RAMP1: variants seen among roughly 807,000 people sequenced by gnomAD.
The protein encoded by RAMP1 is receptor activity-modifying protein 1.
Under a neutral mutation model 8.2 loss-of-function variants are expected in RAMP1, and 7 were observed. The observed-to-expected ratio is 0.85, with a 90% confidence interval of 0.49 to 1.60. RAMP1 has a LOEUF of 1.60. Among genes scored for constraint, RAMP1 ranks in the 40% most tolerant of loss-of-function variants. The pLI is 0.00. For missense variants in RAMP1, 192 were observed against 202.4 expected, an observed-to-expected ratio of 0.95 and a Z score of 0.31; for synonymous variants, 92 against 84.7, an observed-to-expected ratio of 1.09 and a Z score of -0.47.
intron 2 of RAMP1, among the ~76,000 whole-genome samples, chr2:237,903,948 A>T (rs2062630603): frequency 6.6e-6 from 1 of 152,114 alleles, no homozygotes; most frequent in South Asian, 2.1e-4. Flanking sequence ...TATGTTTCCC[A>T]GGCTGCTCTC....
At chr2:237,864,165 C>T (rs2062160610) in intron 1 of RAMP1, among the ~76,000 whole-genome samples, 1 of 150,980 alleles carries the variant, frequency 6.6e-6, no homozygotes, top group Non-Finnish European at 1.5e-5. Context: ...TGGCCTGGGC[C>T]AGCTCACTCC....
rs938785027 is a variant in RAMP1, at chr2:237,902,337, T to A, written c.192-9191T>A. On this transcript the variant is annotated intron_variant, in intron 2 of 2. Coordinates refer to ENST00000254661, the MANE Select transcript of RAMP1 (RefSeq NM_005855.4). ...GGAGGAGGAGGGAGGGATCAGGGGG[T>A]GGAGGAGGGGCTGGGAGGAGGAGGG... Among the ~76,000 whole-genome samples the A allele has an allele frequency of 9.6e-3, 158 of 16,528 alleles. 1 individual carries two copies. The highest frequency in any genetic ancestry group is 0.023 in the South Asian group (9 of 386). 10.8% of individuals were successfully genotyped at this position (16,528 alleles called of 152,430 possible). A position where few individuals can be genotyped will look rare whatever the true frequency, so the allele number is the denominator to read the frequency against.
At chr2:237,904,688 T>C (rs910624207) in intron 2 of RAMP1, among the ~76,000 whole-genome samples, 3 of 152,210 alleles carry the variant, frequency 2.0e-5, no homozygotes, top group African/African-American at 7.2e-5. Flanking sequence ...TAGACACACA[T>C]TGCCTGGTCA....
rs2062173189 is a variant in RAMP1, at chr2:237,865,084, C to T, written c.52+5357C>T. ...TTAAAGGAGCCCTCAGCTGTGGCCC[C>T]CAGCATGGGCAGGAGGCCAGGCAAG... On this transcript the variant is annotated intron_variant, in intron 1 of 2. Coordinates refer to ENST00000254661, the MANE Select transcript of RAMP1 (RefSeq NM_005855.4). This position sits in a 1 kb window ranked among gnomAD's most constrained non-coding sequence, Gnocchi z 4.2. Among the ~76,000 whole-genome samples the T allele has an allele frequency of 6.6e-6, 1 of 152,170 alleles. No individual in the cohort carries two copies. The highest frequency in any genetic ancestry group is 1.5e-5 in the Non-Finnish European group (1 of 67,994).
Position 237,865,814 on chromosome 2 carries a change from C to T in RAMP1, c.52+6087C>T, listed in dbSNP as rs375044218. ...CAGGGAGGACAGAGAAGGAAACGGG[C>T]CCCAGGCACCACTGGGCACCTTGAC... is the stretch of plus-strand genomic sequence containing the variant. On this transcript the variant is annotated intron_variant, in intron 1 of 2. Coordinates refer to ENST00000254661, the MANE Select transcript of RAMP1 (RefSeq NM_005855.4). The surrounding 1 kb of genome is among the most constrained non-coding windows in gnomAD (Gnocchi z 4.2). Among the ~76,000 whole-genome samples the T allele has an allele frequency of 6.6e-6, 1 of 152,080 alleles. No homozygotes were observed. The highest frequency in any genetic ancestry group is 6.5e-5 in the Admixed American group (1 of 15,272).
chr2:237,868,577 C>CAAAAA (rs1252542718), intron 1 of RAMP1, among the ~76,000 whole-genome samples: 1 of 89,444 alleles, frequency 1.1e-5, no homozygotes. Context: ...CTCCCCCCAC[C>CAAAAA]AAAAAAAAAA....
At chr2:237,872,790 G>A (rs1337166996) in intron 1 of RAMP1, among the ~76,000 whole-genome samples, 3 of 143,938 alleles carry the variant, frequency 2.1e-5, no homozygotes, top group African/African-American at 4.9e-5. Context: ...ACTGTGGGAC[G>A]CTGAGGTGGG....
intron 2 of RAMP1, among the ~76,000 whole-genome samples, chr2:237,884,241 G>A (rs1311708286): frequency 6.6e-6 from 1 of 152,180 alleles, no homozygotes; most frequent in African/African-American, 2.4e-5. Context: ...CCTGCAAGCT[G>A]GCTGGGCCGT....
At chr2:237,887,546 C>T (rs1470901932) in intron 2 of RAMP1, among the ~76,000 whole-genome samples, 6 of 152,248 alleles carry the variant, frequency 3.9e-5, no homozygotes, top group Admixed American at 2.6e-4. Flanking sequence ...CCCTCACTGC[C>T]CAGGCAGTGG....
At chr2:237,901,860 T>TACTC (rs10529558) in intron 2 of RAMP1, among the ~76,000 whole-genome samples, 130,533 of 151,670 alleles carry the variant, frequency 0.86, 56,396 homozygotes, top group East Asian at 0.96. Flanking sequence ...AGCCCCCACA[T>TACTC]ACTCACTACA....
At chr2:237,861,795 G>A (rs1012473884) in intron 1 of RAMP1, among the ~76,000 whole-genome samples, 1 of 151,290 alleles carries the variant, frequency 6.6e-6, no homozygotes, top group Non-Finnish European at 1.5e-5. Flanking sequence ...AGGTTGCAGT[G>A]AGCTGAGATC....
intron 1 of RAMP1, among the ~76,000 whole-genome samples, chr2:237,875,564 G>T (rs1168192260): frequency 6.6e-6 from 1 of 152,138 alleles, no homozygotes; most frequent in Non-Finnish European, 1.5e-5. Context: ...GCTCCTCCGT[G>T]GGGCTTTTTC....
At chr2:237,895,406 C>G (rs1020015792) in intron 2 of RAMP1, among the ~76,000 whole-genome samples, 1 of 152,128 alleles carries the variant, frequency 6.6e-6, no homozygotes, top group Non-Finnish European at 1.5e-5. Context: ...ACCGAGGCTC[C>G]GTAACTGCCA....
intron 1 of RAMP1, among the ~76,000 whole-genome samples, chr2:237,867,679 G>A (rs914581474): frequency 1.1e-4 from 17 of 152,202 alleles, no homozygotes; most frequent in African/African-American, 3.6e-4. Context: ...CGAACCTACC[G>A]TGTTTCTGGG....
chr2:237,873,462 G>T (rs13411976), intron 1 of RAMP1, among the ~76,000 whole-genome samples: 3,622 of 152,252 alleles, frequency 0.024, 150 homozygotes, highest in African/African-American at 0.083. Flanking sequence ...TTGCTTGAGG[G>T]GCCCTCCACC....
intron 2 of RAMP1, among the ~76,000 whole-genome samples, chr2:237,907,098 A>G (rs2062661152): frequency 6.6e-6 from 1 of 152,036 alleles, no homozygotes; most frequent in African/African-American, 2.4e-5. Context: ...CCTCCCCGCA[A>G]CCTCTAATAC....
intron 2 of RAMP1, among the ~76,000 whole-genome samples, chr2:237,889,085 T>C (rs2062464000): frequency 6.6e-6 from 1 of 152,222 alleles, no homozygotes; most frequent in Non-Finnish European, 1.5e-5. Context: ...GAAGAATATA[T>C]ATATTAACTA....
At chr2:237,880,124 A>C (rs555853600) in intron 2 of RAMP1, among the ~76,000 whole-genome samples, 4 of 152,038 alleles carry the variant, frequency 2.6e-5, no homozygotes, top group African/African-American at 7.2e-5. Context: ...GATGCCCCCC[A>C]GAGATGTCCA....
intron 1 of RAMP1, among the ~76,000 whole-genome samples, chr2:237,868,700 C>G (rs1193163580): frequency 6.6e-6 from 1 of 152,098 alleles, no homozygotes; most frequent in Non-Finnish European, 1.5e-5. Context: ...CATCGGTTCT[C>G]TGCTTGGCAG....
Sources: gnomAD v4.1 joint callset for allele counts (sites outside exome capture counted in the v4.1 genomes callset) on GRCh38, gnomAD v4.1.1 for gene constraint, Gnocchi (gnomAD v3.1) non-coding constraint, MANE v1.5 for transcripts, NCBI Gene and HGNC (gene_info 2026-07-23, HGNC 2026-07-21) for gene names.